Variants in CCM2 observed in about 807,000 individuals in gnomAD.
CCM2 encodes the protein cerebral cavernous malformations 2 protein.
Under a neutral mutation model 44.9 loss-of-function variants are expected in CCM2, and 25 were observed. The ratio of observed to expected loss-of-function variants is 0.56; its 90% CI spans 0.41 to 0.78. The LOEUF (loss-of-function observed/expected upper bound fraction) is 0.78. Among genes scored for constraint, CCM2 ranks in the 30% least tolerant of loss-of-function variants. CCM2 has a pLI of 0.00. For synonymous variants in CCM2, 219 were observed against 241.1 expected, an observed-to-expected ratio of 0.91 and a Z score of 0.85; for missense variants, 481 against 580.6, an observed-to-expected ratio of 0.83 and a Z score of 1.76.
chr7:45,022,843 C>T (rs201973970), intron 1 of CCM2, among the ~76,000 whole-genome samples: 3 of 151,898 alleles, frequency 2.0e-5, no homozygotes, highest in African/African-American at 4.8e-5. Context: ...CGACCTCAAG[C>T]GATTCTCCTA....
chr7:45,000,459 G>C (rs1480543722), intron 1 of CCM2, 96 bp downstream of exon 1: 11 of 316,358 alleles, frequency 3.5e-5, no homozygotes, highest in Middle Eastern at 1.9e-3. Flanking sequence ...GGGCCCGGGG[G>C]GGGGGGCAGT....
chr7:45,008,039 A>G (rs1334527733), intron 1 of CCM2, among the ~76,000 whole-genome samples: 1 of 127,564 alleles, frequency 7.8e-6, no homozygotes, highest in Non-Finnish European at 1.6e-5. Flanking sequence ...GGTGGGGTAC[A>G]TTTTTTTTTT....
At chr7:45,007,311 A>G (rs750360638) in intron 1 of CCM2, among the ~76,000 whole-genome samples, 22 of 152,284 alleles carry the variant, frequency 1.4e-4, no homozygotes, top group Middle Eastern at 3.4e-3. Flanking sequence ...GAGCCCAGCC[A>G]TGTCCTCTGC....
chr7:45,061,456 C>CTTTTTTTTT (rs57140747), intron 2 of CCM2, among the ~76,000 whole-genome samples: 19 of 122,268 alleles, frequency 1.6e-4, no homozygotes, highest in African/African-American at 2.5e-4. Context: ...TTCTTTCTTT[C>CTTTTTTTTT]TTTTTTTTTT....
At chr7:45,054,198 G>A (rs1193494595) in intron 2 of CCM2, among the ~76,000 whole-genome samples, 1 of 152,160 alleles carries the variant, frequency 6.6e-6, no homozygotes, top group Admixed American at 6.5e-5. Flanking sequence ...GGGAGAGCAA[G>A]CAGTATCTCA....
intron 1 of CCM2, among the ~76,000 whole-genome samples, chr7:45,011,502 A>G (rs967747669): frequency 6.6e-6 from 1 of 151,176 alleles, no homozygotes; most frequent in African/African-American, 2.4e-5. Context: ...CAGCTGGGCT[A>G]ATTTTTAAAA....
chr7:45,030,843 C>A (rs1186902755), intron 1 of CCM2, among the ~76,000 whole-genome samples: 1 of 152,122 alleles, frequency 6.6e-6, no homozygotes, highest in African/African-American at 2.4e-5. Context: ...CCTGCCTCAG[C>A]CTCCCGAGTA....
intron 6 of CCM2, chr7:45,070,268 T>C (rs2128750825): frequency 4.9e-6 from 2 of 410,406 alleles, no homozygotes; most frequent in Non-Finnish European, 4.6e-6. Flanking sequence ...AACAAAGAGC[T>C]TGGAGAAGGC....
intron 2 of CCM2, among the ~76,000 whole-genome samples, chr7:45,047,632 A>G (rs1311009414): frequency 6.6e-6 from 1 of 152,242 alleles, no homozygotes; most frequent in African/African-American, 2.4e-5. Flanking sequence ...TTCACACTGT[A>G]TGTTCCTTTC....
rs745710633 is a variant in CCM2 at position 45,064,647 on chromosome 7, G to A, written c.472+1G>A. On this transcript the variant is annotated splice_donor_variant, in intron 4 of 9. Transcript: ENST00000258781. LOFTEE classifies it high-confidence loss of function. Reference sequence around the variant, plus strand: ...GCACACCTGGTGGTCCTGAAGACAGGTACAGGAGGTCAGGGGTCAGGAGGG... The same window carrying A: ...GCACACCTGGTGGTCCTGAAGACAGATACAGGAGGTCAGGGGTCAGGAGGG... 6.2e-7 allele frequency: 1 copy of A among 1,613,810 alleles called. No individual in the cohort carries two copies. The highest frequency in any genetic ancestry group is 8.5e-7 in the Non-Finnish European group (1 of 1,180,014).
intron 5 of CCM2, among the ~76,000 whole-genome samples, chr7:45,069,297 C>T (rs1192868496): frequency 1.3e-5 from 2 of 152,256 alleles, no homozygotes; most frequent in African/African-American, 4.8e-5. Flanking sequence ...TGTTGAGCAG[C>T]ATCCCAGCTT....
At chr7:45,007,209 AT>A (rs967205925) in intron 1 of CCM2, among the ~76,000 whole-genome samples, 2 of 152,152 alleles carry the variant, frequency 1.3e-5, no homozygotes, top group African/African-American at 4.8e-5. Flanking sequence ...TTGGGAGAAC[AT>A]GTATGGTGTT....
intron 1 of CCM2, among the ~76,000 whole-genome samples, chr7:45,015,500 G>A (rs1796229630): frequency 1.3e-5 from 2 of 152,196 alleles, no homozygotes; most frequent in Admixed American, 6.5e-5. Flanking sequence ...TGATGAAAGG[G>A]AGGGGGAGGT....
chr7:45,022,667 T>TA (rs1036225468), intron 1 of CCM2, among the ~76,000 whole-genome samples: 2 of 152,182 alleles, frequency 1.3e-5, no homozygotes, highest in Non-Finnish European at 2.9e-5. Context: ...CATTAAATTT[T>TA]AAAAAATTTC....
At chr7:45,054,958 T>G (rs745474944) in intron 2 of CCM2, among the ~76,000 whole-genome samples, 1 of 152,250 alleles carries the variant, frequency 6.6e-6, no homozygotes, top group African/African-American at 2.4e-5. Context: ...GCTGTACTTT[T>G]TCTTTATTGA....
intron 2 of CCM2, among the ~76,000 whole-genome samples, chr7:45,041,464 C>G (rs1301384977): frequency 6.6e-6 from 1 of 152,158 alleles, no homozygotes; most frequent in Non-Finnish European, 1.5e-5. Context: ...GTGATTTCTT[C>G]AGGTTGTCTT....
intron 1 of CCM2, among the ~76,000 whole-genome samples, chr7:45,022,721 T>C (rs1027703808): frequency 6.6e-6 from 1 of 152,006 alleles, no homozygotes; most frequent in African/African-American, 2.4e-5. Context: ...CATGGGTGAA[T>C]TGTATAGTGA....
At chr7:45,073,887 A>G (rs370046270) in intron 8 of CCM2, 30 of 531,962 alleles carry the variant, frequency 5.6e-5, no homozygotes, top group East Asian at 4.9e-4. Context: ...TATCCTCCCC[A>G]TCTTATATAG....
At position 45,075,762 on chromosome 7, in the gene CCM2, G is replaced by A. The variant is rs1248813293; in HGVS notation, c.1055-15G>A. ...CCGAACTGGAGGTGCCATGCTGGGT[G>A]TTGTGTGTCTGCAGGTCTGAGGCCC... On this transcript the variant is annotated splice_polypyrimidine_tract_variant and intron_variant, in intron 9 of 9. Transcript: ENST00000258781. 3 of 1,613,612 alleles carry A rather than the reference G, an allele frequency of 1.9e-6. No homozygotes were observed. Among genetic ancestry groups the A allele is most frequent in the East Asian group, 4.5e-5 (2 of 44,876 alleles).
Sources: gnomAD v4.1 joint callset for allele counts (sites outside exome capture counted in the v4.1 genomes callset) on GRCh38, gnomAD v4.1.1 for gene constraint, MANE v1.5 for transcripts, NCBI Gene and HGNC (gene_info 2026-07-23, HGNC 2026-07-21) for gene names.